Variants in NISCH observed in about 807,000 individuals in gnomAD.
NISCH encodes nischarin.
A neutral mutation model predicts 138.4 loss-of-function variants in NISCH; 55 were observed. The ratio of observed to expected loss-of-function variants is 0.40; its 90% CI spans 0.32 to 0.50. The LOEUF is 0.50. Ranked by LOEUF, NISCH falls within the 20% of genes least tolerant of loss-of-function variation. The pLI is 0.71. For missense variants in NISCH, 1,643 were observed against 2,005.5 expected (o/e 0.82, Z 3.45); for synonymous variants, 860 against 861.5 (o/e 1.00, Z 0.03).
In NISCH at chr3:52,458,090, A is replaced by G. The variant is rs568749826; in HGVS notation, c.177+164A>G. On this transcript the variant is annotated intron_variant, in intron 2 of 20. Coordinates refer to ENST00000345716, the MANE Select transcript of NISCH (RefSeq NM_007184.4). ...CTGCGTTCATTAATATAGCATGTAAATGCTAGCCTTCAGCTCTAGCATGAG... is the reference window on the plus strand; with the variant it reads ...CTGCGTTCATTAATATAGCATGTAAGTGCTAGCCTTCAGCTCTAGCATGAG... 3.3e-5 allele frequency among the ~76,000 whole-genome samples: 5 copies of G among 152,370 alleles called. No homozygotes were observed. The South Asian group carries it at 1.0e-3, about 32-fold the overall frequency.
chr3:52,492,045 C>G lies in NISCH; in HGVS notation c.4078C>G (p.Pro1360Ala), dbSNP rs768936921. 3 of 1,612,954 alleles carry G rather than the reference C, an allele frequency of 1.9e-6. No individual in the cohort carries two copies. Among genetic ancestry groups the G allele is most frequent in the Admixed American group, 1.7e-5 (1 of 60,000 alleles). ...GCAGGCCTTCCAGGTGGGCATGCCA[C>G]CCCCTGGGTGCTGCAGGGGCCCCCT... ...YVQAFQVGMP[P>A]PGCCRGPLRP... is the part of the protein sequence containing the mutation. Residue 1360 changes from proline to alanine, a missense_variant, in exon 21 of 21, where the codon CCC becomes GCC. Transcript: ENST00000345716.
chr3:52,457,508 A>G (rs1023303499), intron 1 of NISCH, among the ~76,000 whole-genome samples: 2 of 152,210 alleles, frequency 1.3e-5, no homozygotes, highest in African/African-American at 4.8e-5. Flanking sequence ...AGTTACCTAG[A>G]GGCAGGAGGT....
intron 17 of NISCH, 187 bp from the exon 18 acceptor site, chr3:52,489,888 C>T: frequency 1.7e-6 from 2 of 1,176,662 alleles, no homozygotes; most frequent in South Asian, 1.6e-5. Flanking sequence ...GTGCCACTTC[C>T]AGCCCCAGGT....
chr3:52,491,476 C>G lies in NISCH; in HGVS notation c.3867C>G (p.Asp1289Glu). The change falls in exon 20 of 21, where the codon GAC (aspartate) becomes GAG (glutamate). Residue 1289 changes from aspartate to glutamate, a missense_variant. Physicochemically the swap from Asp to Glu is conservative, Grantham distance 45. Transcript: ENST00000345716. ...GCACGCCCTCGCCGGAGCCTGTTGA[C>G]AAGGACTTCTACTCCGAGTTTGGGA... ...LERTPSPEPV[D>E]KDFYSEFGNK... 6.2e-7 allele frequency: 1 copy of G among 1,613,350 alleles called. No individual in the cohort carries two copies. Among genetic ancestry groups the G allele is most frequent in the Non-Finnish European group, 8.5e-7 (1 of 1,179,890 alleles).
chr3:52,461,862 CAAAAA>C (rs570499799), intron 3 of NISCH, among the ~76,000 whole-genome samples: 1 of 56,442 alleles, frequency 1.8e-5, no homozygotes, highest in Non-Finnish European at 3.8e-5. Flanking sequence ...GACTCCGTCA[CAAAAA>C]AAAAAAAAAA....
intron 15 of NISCH, 66 bp downstream of exon 15, chr3:52,485,893 G>A (rs1326866581): frequency 6.3e-6 from 9 of 1,437,256 alleles, no homozygotes; most frequent in Non-Finnish European, 8.6e-6. Flanking sequence ...CACTGCTGTG[G>A]GCCAGGGGTG....
chr3:52,463,714 C>CTTTTTTTTTTTTTTTTT (rs71084184), intron 3 of NISCH, among the ~76,000 whole-genome samples: 1 of 41,402 alleles, frequency 2.4e-5, no homozygotes. Context: ...TATTGAACCT[C>CTTTTTTTTTTTTTTTTT]TTTTTTTTTT....
chr3:52,480,620 CT>C (rs1343710817), intron 13 of NISCH: 74 of 1,426,734 alleles, frequency 5.2e-5, no homozygotes, highest in Middle Eastern at 1.9e-4. Flanking sequence ...GACCCATTCC[CT>C]CACCGGCAGC....
intron 1 of NISCH, 45 bp downstream of exon 1, chr3:52,455,779 A>G: frequency 1.6e-6 from 2 of 1,283,414 alleles, no homozygotes; most frequent in South Asian, 2.8e-5. Context: ...GGTGGCTGGA[A>G]CCGGGAGTCC....
Position 52,487,799 on chromosome 3 carries a change from C to T in NISCH, c.2307C>T (p.Thr769=), listed in dbSNP as rs754471720. 24 of 1,613,500 alleles carry T rather than the reference C, an allele frequency of 1.5e-5. No homozygotes were observed. The highest frequency in any genetic ancestry group is 6.7e-5 in the Admixed American group (4 of 59,944). The part of the protein sequence containing the change: ...FVFCFPHGDL[T]EFGFLMPELC... Reference sequence around the variant, plus strand: ...TTTGCTTCCCGCATGGCGACCTCACCGAGTTTGGCTTCCTCATGCCGGAGC... The same window carrying T: ...TTTGCTTCCCGCATGGCGACCTCACTGAGTTTGGCTTCCTCATGCCGGAGC... Residue 769 remains threonine, a synonymous_variant, in exon 16 of 21, where the codon ACC becomes ACT. Transcript: ENST00000345716. The surrounding 1 kb of genome is among the most constrained non-coding windows in gnomAD (Gnocchi z 9.1).
At chr3:52,490,869 G>A (rs764935962) in intron 19 of NISCH, 36 bp downstream of exon 19, 3 of 1,612,058 alleles carry the variant, frequency 1.9e-6, no homozygotes, top group Middle Eastern at 1.7e-4. Context: ...TATTTCGGGT[G>A]AAGGCCAGCA....
rs111379583 is a variant in NISCH at position 52,458,032 on chromosome 3, A to G, written c.177+106A>G. ...TTAGGGCAAAACAGGTTCCATCTCTATAGTTCTTTAATAAACCACTTTGTT... is the reference window on the plus strand; with the variant it reads ...TTAGGGCAAAACAGGTTCCATCTCTGTAGTTCTTTAATAAACCACTTTGTT... On this transcript the variant is annotated intron_variant, in intron 2 of 20. Transcript: ENST00000345716. 25 of 780,900 alleles carry G rather than the reference A, an allele frequency of 3.2e-5. 1 individual carries two copies. In the Middle Eastern group the frequency reaches 1.2e-3, roughly 37 times the overall value. The allele number at this position is 780,900 out of a possible 1,614,324, so 48.4% of individuals were successfully genotyped here.
intron 8 of NISCH, among the ~76,000 whole-genome samples, 169 bp downstream of exon 8, chr3:52,476,768 T>C (rs1395817488): frequency 6.6e-6 from 1 of 152,126 alleles, no homozygotes; most frequent in Non-Finnish European, 1.5e-5. Flanking sequence ...GCGTGGTGGG[T>C]CACACCTGTA....
intron 3 of NISCH, among the ~76,000 whole-genome samples, chr3:52,459,878 G>C (rs964425753): frequency 6.6e-6 from 1 of 151,248 alleles, no homozygotes; most frequent in Non-Finnish European, 1.5e-5. Flanking sequence ...TCTAGTAGAA[G>C]AGGTTAAAAA....
chr3:52,464,585 C>T (rs536804950), intron 3 of NISCH, among the ~76,000 whole-genome samples: 14 of 115,976 alleles, frequency 1.2e-4, no homozygotes, highest in Admixed American at 1.2e-4. Flanking sequence ...AGTATAGTGG[C>T]GTGATCTCGA....
Position 52,487,108 on chromosome 3 carries a change from G to C in NISCH, c.1704-88G>C, listed in dbSNP as rs1707419346. ...CCCATGGGTTGGTTTCTCAGGGTCAGGGTGTAGCAGTGGGCTCCAGATGTG... is the reference window on the plus strand; with the variant it reads ...CCCATGGGTTGGTTTCTCAGGGTCACGGTGTAGCAGTGGGCTCCAGATGTG... On this transcript the variant is annotated intron_variant, in intron 15 of 20. Coordinates refer to ENST00000345716, the MANE Select transcript of NISCH (RefSeq NM_007184.4). The surrounding 1 kb of genome is among the most constrained non-coding windows in gnomAD (Gnocchi z 9.1). 2.0e-6 allele frequency: 3 copies of C among 1,472,366 alleles called. No homozygotes were observed. The highest frequency in any genetic ancestry group is 1.4e-5 in the African/African-American group (1 of 71,898). 91.2% of individuals were successfully genotyped at this position (1,472,366 alleles called of 1,614,324 possible).
intron 13 of NISCH, 51 bp from the exon 14 acceptor site, chr3:52,484,462 T>TTCGCC: frequency 1.3e-6 from 1 of 788,670 alleles, no homozygotes; most frequent in South Asian, 2.1e-5. Flanking sequence ...ACAGCCGCTC[T>TTCGCC]CCCCGCCCCA....
At chr3:52,469,424 C>T (rs533113715) in intron 3 of NISCH, among the ~76,000 whole-genome samples, 168 of 152,166 alleles carry the variant, frequency 1.1e-3, no homozygotes, top group Non-Finnish European at 1.4e-3. Context: ...TTGAGGGTGT[C>T]GGCGCTTGTC....
In NISCH at chr3:52,458,822, ACTT is replaced by A; in HGVS notation, c.342_344del (p.Phe114del). The stretch of plus-strand genomic sequence containing the variant: ...GGCGTGACCCCCAGAGTACTGGCCC[ACTT>A]CTTGCATTTTCACTTCTATGTAAGT... On this transcript the variant is annotated inframe_deletion, in exon 3 of 21. Coordinates refer to ENST00000345716, the MANE Select transcript of NISCH (RefSeq NM_007184.4). 6.3e-7 allele frequency: 1 copy of A among 1,592,866 alleles called. No homozygotes were observed. Among genetic ancestry groups the A allele is most frequent in the Non-Finnish European group, 8.5e-7 (1 of 1,173,474 alleles).
Sources: gnomAD v4.1 joint callset for allele counts (sites outside exome capture counted in the v4.1 genomes callset) on GRCh38, gnomAD v4.1.1 for gene constraint, Gnocchi (gnomAD v3.1) non-coding constraint, MANE v1.5 for transcripts, NCBI Gene and HGNC (gene_info 2026-07-23, HGNC 2026-07-21) for gene names.